Variants in BNC2 observed in about 807,000 individuals in gnomAD.
BNC2 encodes basonuclin zinc finger protein 2, also known as zinc finger protein basonuclin-2.
BNC2 carries 20 observed loss-of-function variants against 76.3 expected under a neutral mutation model. The observed-to-expected ratio is 0.26, with a 90% CI of 0.18 to 0.38. BNC2 has a LOEUF of 0.38. Among genes scored for constraint, BNC2 ranks in the 10% least tolerant of loss-of-function variants. The probability of loss-of-function intolerance (pLI) is 1.00; values close to 1 mark genes in which losing one functional copy is unlikely to be tolerated. For missense variants in BNC2, 1,382 were observed against 1,399.8 expected (o/e 0.99, Z 0.20); for synonymous variants, 582 against 514.8 (o/e 1.13, Z -1.77).
At chr9:16,818,390 C>G (rs1250362296) in intron 1 of BNC2, among the ~76,000 whole-genome samples, 1 of 151,920 alleles carries the variant, frequency 6.6e-6, no homozygotes, top group Non-Finnish European at 1.5e-5. Context: ...GGCAACAAAG[C>G]GAGACTCCGT....
At chr9:16,835,095 T>C (rs926279941) in intron 1 of BNC2, among the ~76,000 whole-genome samples, 2 of 152,150 alleles carry the variant, frequency 1.3e-5, no homozygotes, top group African/African-American at 4.8e-5. Flanking sequence ...AGTTACAGAG[T>C]GTTGTGCAAA....
Position 16,486,916 on chromosome 9 carries a change from A to G in BNC2, c.670-49392T>C, listed in dbSNP as rs978230442. On this transcript the variant is annotated intron_variant, in intron 5 of 6. Coordinates refer to ENST00000380672, the MANE Select transcript of BNC2 (RefSeq NM_017637.6). Reference sequence around the variant, plus strand: ...TTTTTTATAGAGATAACGTCTCGCTATGTTGCCCAGGCTGGTCTCTCGGAT... The same window carrying G: ...TTTTTTATAGAGATAACGTCTCGCTGTGTTGCCCAGGCTGGTCTCTCGGAT... 2.6e-5 allele frequency among the ~76,000 whole-genome samples: 4 copies of G among 152,044 alleles called. No homozygotes were observed. In the South Asian group the frequency reaches 8.3e-4, roughly 32 times the overall value.
chr9:16,796,104 A>C (rs970699778), intron 1 of BNC2, among the ~76,000 whole-genome samples: 4 of 152,214 alleles, frequency 2.6e-5, no homozygotes, highest in Non-Finnish European at 5.9e-5. Context: ...TCTACTAAGC[A>C]ACACTGTTAG....
chr9:16,720,098 G>C (rs998726023), intron 3 of BNC2, among the ~76,000 whole-genome samples: 2 of 152,172 alleles, frequency 1.3e-5, no homozygotes, highest in Non-Finnish European at 2.9e-5. Context: ...CTGGTTACAC[G>C]TTTTTATCAT....
chr9:16,553,063 C>G (rs1014814392), intron 4 of BNC2, among the ~76,000 whole-genome samples: 2 of 152,070 alleles, frequency 1.3e-5, no homozygotes, highest in Non-Finnish European at 2.9e-5. Flanking sequence ...TTTCAAATGA[C>G]CGTGGCTGGT....
At chr9:16,685,972 T>C (rs1422239575) in intron 3 of BNC2, among the ~76,000 whole-genome samples, 5 of 152,264 alleles carry the variant, frequency 3.3e-5, no homozygotes, top group East Asian at 1.9e-4. Context: ...AAGACTAAAA[T>C]AGATAATTTC....
chr9:16,813,007 G>C (rs1818090490), intron 1 of BNC2, among the ~76,000 whole-genome samples: 1 of 152,008 alleles, frequency 6.6e-6, no homozygotes, highest in Non-Finnish European at 1.5e-5. Flanking sequence ...TCAAGAGTTG[G>C]AGACCAGCCT....
At chr9:16,771,381 A>T (rs757962402) in intron 1 of BNC2, among the ~76,000 whole-genome samples, 3 of 152,208 alleles carry the variant, frequency 2.0e-5, no homozygotes, top group Non-Finnish European at 4.4e-5. Context: ...GTGTAGGACA[A>T]TGTGTTCCCA....
chr9:16,794,059 A>C (rs1256966972), intron 1 of BNC2, among the ~76,000 whole-genome samples: 2 of 151,778 alleles, frequency 1.3e-5, no homozygotes, highest in Non-Finnish European at 2.9e-5. Flanking sequence ...GGATTGTGTG[A>C]CTTAGTTATA....
chr9:16,482,092 T>C (rs1587080061), intron 5 of BNC2, among the ~76,000 whole-genome samples: 1 of 152,304 alleles, frequency 6.6e-6, no homozygotes, highest in East Asian at 1.9e-4. Flanking sequence ...CTGTTGTCAG[T>C]AATAAAAATA....
At chr9:16,673,573 G>A (rs548723551) in intron 3 of BNC2, among the ~76,000 whole-genome samples, 3 of 152,064 alleles carry the variant, frequency 2.0e-5, no homozygotes, top group African/African-American at 4.8e-5. Flanking sequence ...GGCCTGTACC[G>A]AGAAAAAGTA....
chr9:16,688,183 C>T (rs1216965855), intron 3 of BNC2, among the ~76,000 whole-genome samples: 1 of 152,140 alleles, frequency 6.6e-6, no homozygotes, highest in Non-Finnish European at 1.5e-5. Context: ...CCACAATCAG[C>T]GTCATCAGTT....
chr9:16,864,079 T>C (rs1020791663), intron 1 of BNC2, among the ~76,000 whole-genome samples: 5 of 152,180 alleles, frequency 3.3e-5, no homozygotes, highest in Non-Finnish European at 7.3e-5. Flanking sequence ...CAAATACTTA[T>C]TTTATTTATG....
At chr9:16,523,092 G>A (rs563705335) in intron 5 of BNC2, among the ~76,000 whole-genome samples, 2 of 152,168 alleles carry the variant, frequency 1.3e-5, no homozygotes, top group Non-Finnish European at 2.9e-5. Context: ...CACAGGTATC[G>A]AGTTTCAGTG....
intron 5 of BNC2, among the ~76,000 whole-genome samples, chr9:16,442,394 T>C (rs1349168781): frequency 6.6e-6 from 1 of 152,234 alleles, no homozygotes; most frequent in Non-Finnish European, 1.5e-5. Flanking sequence ...TGGCACCCTG[T>C]TCCTGTATGG....
chr9:16,502,738 T>C (rs1354432905), intron 5 of BNC2, among the ~76,000 whole-genome samples: 1 of 152,132 alleles, frequency 6.6e-6, no homozygotes, highest in Admixed American at 6.5e-5. Flanking sequence ...TACATAAAAA[T>C]ATAAAGATGT....
chr9:16,811,944 T>C (rs1173102372), intron 1 of BNC2, among the ~76,000 whole-genome samples: 1 of 152,162 alleles, frequency 6.6e-6, no homozygotes, highest in African/African-American at 2.4e-5. Context: ...CTGATTTCTT[T>C]AGGGAGGTGT....
At chr9:16,863,618 C>T (rs1373391911) in intron 1 of BNC2, among the ~76,000 whole-genome samples, 1 of 152,026 alleles carries the variant, frequency 6.6e-6, no homozygotes, top group East Asian at 1.9e-4. Context: ...TCTCTTGAAC[C>T]CAGGAGATGG....
chr9:16,593,921 T>C (rs1819999322), intron 3 of BNC2, among the ~76,000 whole-genome samples: 2 of 152,172 alleles, frequency 1.3e-5, no homozygotes, highest in African/African-American at 4.8e-5. Flanking sequence ...TGCTAAGTAA[T>C]AATAATCTCA....
Sources: allele counts gnomAD v4.1 joint callset (sites outside exome capture counted in the v4.1 genomes callset), GRCh38; gene constraint gnomAD v4.1.1; transcripts MANE v1.5; gene names NCBI Gene and HGNC (gene_info 2026-07-23, HGNC 2026-07-21).